WASHC3: variants seen among roughly 807,000 people sequenced by gnomAD.
WASHC3 encodes WASH complex subunit 3.
A neutral mutation model predicts 26.1 loss-of-function variants in WASHC3; 24 were observed. The ratio of observed to expected loss-of-function variants is 0.92; its 90% CI spans 0.66 to 1.29. The LOEUF (loss-of-function observed/expected upper bound fraction) is 1.29. WASHC3 is among the 50% of genes most tolerant of loss of function. WASHC3 has a pLI of 0.00. For missense variants in WASHC3, 214 were observed against 229.6 expected (o/e 0.93, Z 0.44); for synonymous variants, 77 against 75.7 (o/e 1.02, Z -0.09).
At chr12:102,014,261 C>T (rs954110719) in intron 6 of WASHC3, among the ~76,000 whole-genome samples, 17 of 151,532 alleles carry the variant, frequency 1.1e-4, no homozygotes, top group Non-Finnish European at 1.8e-4. Context: ...TCAGTAGAGA[C>T]GGGATTTCAC....
chr12:102,045,017 C>T (rs993350801), intron 3 of WASHC3, among the ~76,000 whole-genome samples: 2 of 152,108 alleles, frequency 1.3e-5, no homozygotes, highest in East Asian at 1.9e-4. Flanking sequence ...CGACCTTGGA[C>T]TCTAACTCCC....
In WASHC3 at chr12:102,026,165, CAT is replaced by C. The variant is rs1274630282; in HGVS notation, c.436-129_436-128del. Reference sequence around the variant, plus strand: ...AGTTCTTATTCTACTTTAAAATTAGCATGTGCCTAGCACTAGAATAATCTAGT... The same window carrying C: ...AGTTCTTATTCTACTTTAAAATTAGCGTGCCTAGCACTAGAATAATCTAGT... On this transcript the variant is annotated intron_variant, in intron 5 of 6. Transcript: ENST00000240079. 6.6e-6 allele frequency: 4 copies of C among 603,360 alleles called. No individual in the cohort carries two copies. The African/African-American group carries it at 7.5e-5, about 11-fold the overall frequency. The allele number at this position is 603,360 out of a possible 1,614,324, so 37.4% of individuals were successfully genotyped here.
At chr12:102,041,085 A>C (rs1877917270) in intron 4 of WASHC3, among the ~76,000 whole-genome samples, 1 of 151,808 alleles carries the variant, frequency 6.6e-6, no homozygotes, top group African/African-American at 2.4e-5. Flanking sequence ...GATATTGCTA[A>C]GTTTTACCAA....
intron 5 of WASHC3, among the ~76,000 whole-genome samples, chr12:102,034,541 G>A (rs563668456): frequency 6.6e-6 from 1 of 152,118 alleles, no homozygotes; most frequent in Non-Finnish European, 1.5e-5. Flanking sequence ...TAGAATGACT[G>A]TACTCTTGGA....
intron 6 of WASHC3, among the ~76,000 whole-genome samples, chr12:102,014,349 A>G (rs1387612424): frequency 3.7e-4 from 1 of 2,674 alleles, no homozygotes; most frequent in Non-Finnish European, 5.7e-4. Flanking sequence ...GGGATTATAG[A>G]TGCGAGCCCG....
intron 6 of WASHC3, among the ~76,000 whole-genome samples, chr12:102,014,039 C>G (rs1876593302): frequency 6.9e-6 from 1 of 145,798 alleles, no homozygotes; most frequent in African/African-American, 2.5e-5. Context: ...GGGGGGGAAA[C>G]CAAGAGGAAA....
chr12:102,057,733 A>G (rs75973426), intron 2 of WASHC3, among the ~76,000 whole-genome samples: 3,775 of 152,232 alleles, frequency 0.025, 62 homozygotes, highest in Non-Finnish European at 0.026. Flanking sequence ...ACTGAAAACT[A>G]TAACACATTG....
intron 6 of WASHC3, among the ~76,000 whole-genome samples, chr12:102,025,205 G>A (rs1475854084): frequency 6.6e-6 from 1 of 151,850 alleles, no homozygotes; most frequent in Non-Finnish European, 1.5e-5. Flanking sequence ...AATACATTGG[G>A]GTGAACTACA....
chr12:102,032,309 CA>C (rs1877469996), intron 5 of WASHC3, among the ~76,000 whole-genome samples: 1 of 152,018 alleles, frequency 6.6e-6, no homozygotes, highest in Non-Finnish European at 1.5e-5. Flanking sequence ...AATATGGTTT[CA>C]AAAAATACAA....
intron 5 of WASHC3, among the ~76,000 whole-genome samples, chr12:102,027,428 C>T (rs1052498534): frequency 9.9e-5 from 15 of 152,170 alleles, no homozygotes; most frequent in South Asian, 2.1e-4. Context: ...TATGTACAAA[C>T]GTGACAGCTA....
At position 102,019,495 on chromosome 12, in the gene WASHC3, TTAGGACTTTATAA is replaced by T. The variant is rs1332556446; in HGVS notation, c.501-6316_501-6304del. On this transcript the variant is annotated intron_variant, in intron 6 of 6. Transcript: ENST00000240079. ...ACACTTTACTACTAAAATTTGGAAA[TTAGGACTTTATAA>T]TAGTCTCTTGTTATTTTAAATACAT... 48 of 219,636 alleles carry T rather than the reference TTAGGACTTTATAA, an allele frequency of 2.2e-4. No individual in the cohort carries two copies. The East Asian group carries it at 6.2e-3, about 28-fold the overall frequency. The allele number at this position is 219,636 out of a possible 1,614,324, so 13.6% of individuals were successfully genotyped here.
intron 5 of WASHC3, among the ~76,000 whole-genome samples, chr12:102,038,387 A>G (rs771371198): frequency 1.3e-4 from 20 of 152,222 alleles, no homozygotes; most frequent in Non-Finnish European, 2.2e-4. Flanking sequence ...TAAAGATTTC[A>G]GGGCATTTTT....
At chr12:102,043,795 T>C (rs1878043154) in intron 4 of WASHC3, 1 of 156,816 alleles carries the variant, frequency 6.4e-6, no homozygotes, top group African/African-American at 2.4e-5. Context: ...CAATAAAATA[T>C]TTTAAAAGTA....
At chr12:102,027,144 AT>A (rs1220029418) in intron 5 of WASHC3, among the ~76,000 whole-genome samples, 1 of 152,216 alleles carries the variant, frequency 6.6e-6, no homozygotes, top group Non-Finnish European at 1.5e-5. Flanking sequence ...GCTATTTAGC[AT>A]ATCTGTCACC....
At position 102,045,065 on chromosome 12, in the gene WASHC3, C is replaced by T. The variant is rs148605127; in HGVS notation, c.217-853G>A. 9.8e-3 allele frequency among the ~76,000 whole-genome samples: 1,489 copies of T among 151,840 alleles called. 10 individuals are homozygous for T. The highest frequency in any genetic ancestry group is 0.016 in the Non-Finnish European group (1,098 of 67,944). On this transcript the variant is annotated intron_variant, in intron 3 of 6. Transcript: ENST00000240079. Reference sequence around the variant, plus strand: ...AACATTAAAATAAGACACATATTCACATTAAAATAAGACACATATTCATTA... The same window carrying T: ...AACATTAAAATAAGACACATATTCATATTAAAATAAGACACATATTCATTA...
Position 102,052,400 on chromosome 12 carries a change from T to C in WASHC3, c.151-6281A>G, listed in dbSNP as rs144340698. On this transcript the variant is annotated intron_variant, in intron 2 of 6. Coordinates refer to ENST00000240079, the MANE Select transcript of WASHC3 (RefSeq NM_016053.4). ...GGCTGACACCTGCAGGCGAAGCCTT[T>C]AGGCCCATCCTGGCACTAGGCTGGA... Among the ~76,000 whole-genome samples the C allele has an allele frequency of 3.2e-4, 49 of 151,910 alleles. No individual in the cohort carries two copies. The East Asian group carries it at 8.5e-3, about 26-fold the overall frequency.
chr12:102,045,319 A>G (rs1878114913), intron 3 of WASHC3, among the ~76,000 whole-genome samples: 1 of 152,238 alleles, frequency 6.6e-6, no homozygotes, highest in Admixed American at 6.5e-5. Context: ...AGAGACGTAG[A>G]AAGTACAAAC....
intron 2 of WASHC3, among the ~76,000 whole-genome samples, chr12:102,057,169 A>G (rs751858276): frequency 5.3e-5 from 8 of 152,228 alleles, no homozygotes; most frequent in Non-Finnish European, 1.0e-4. Flanking sequence ...CAAAAACCGT[A>G]TGATCATCTC....
intron 4 of WASHC3, 46 bp from the exon 5 acceptor site, chr12:102,040,024 G>A: frequency 1.2e-6 from 1 of 817,648 alleles, no homozygotes; most frequent in Non-Finnish European, 2.0e-6. Context: ...TTACAAAAGG[G>A]GTCTATCATG....
Sources: allele counts gnomAD v4.1 joint callset (sites outside exome capture counted in the v4.1 genomes callset), GRCh38; gene constraint gnomAD v4.1.1; transcripts MANE v1.5; gene names NCBI Gene and HGNC (gene_info 2026-07-23, HGNC 2026-07-21).